Variants in PCDHGA1 observed in about 807,000 individuals in gnomAD.
The protein encoded by PCDHGA1 is protocadherin gamma subfamily A, 1, also known as protocadherin gamma-A1.
Under a neutral mutation model 58.0 loss-of-function variants are expected in PCDHGA1, and 32 were observed. The observed-to-expected ratio is 0.55, with a 90% CI of 0.42 to 0.74. The LOEUF (loss-of-function observed/expected upper bound fraction) is 0.74. Ranked by LOEUF, PCDHGA1 falls within the 30% of genes least tolerant of loss-of-function variation. PCDHGA1 has a pLI of 0.00. For synonymous variants in PCDHGA1, 498 were observed against 501.1 expected, an observed-to-expected ratio of 0.99 and a Z score of 0.08; for missense variants, 1,205 against 1,182.3, an observed-to-expected ratio of 1.02 and a Z score of -0.28.
intron 1 of PCDHGA1, chr5:141,371,776 T>C (rs1216205837): frequency 6.2e-7 from 1 of 1,613,882 alleles, no homozygotes; most frequent in Non-Finnish European, 8.5e-7. Flanking sequence ...ACCGTGCATG[T>C]AGCTGAGAAC....
At position 141,491,518 on chromosome 5, in the gene PCDHGA1, A is replaced by G. The variant is rs756813813; in HGVS notation, c.2422-3289A>G. 3 of 1,613,990 alleles carry G rather than the reference A, an allele frequency of 1.9e-6. No individual in the cohort carries two copies. The highest frequency in any genetic ancestry group is 3.3e-5 in the Admixed American group (2 of 60,028). ...GAGCTCGGACGGCACGCTCAAGTAC[A>G]TGGAGGTGACGCTGCGGCCCACAGA... On this transcript the variant is annotated intron_variant, in intron 1 of 3. Transcript: ENST00000517417. This position sits in a 1 kb window ranked among gnomAD's most constrained non-coding sequence, Gnocchi z 6.9.
At chr5:141,374,573 A>G in intron 1 of PCDHGA1, 1 of 1,613,740 alleles carries the variant, frequency 6.2e-7, no homozygotes, top group Non-Finnish European at 8.5e-7. Context: ...TGATGTGGGA[A>G]TGAACTCCCT....
In PCDHGA1 at chr5:141,331,233, A is replaced by G; in HGVS notation, c.549A>G (p.Gln183=). Residue 183 remains glutamine, a synonymous_variant, in exon 1 of 4, where the codon CAA becomes CAG. Transcript: ENST00000517417. Reference sequence around the variant, plus strand: ...ACCCTCATTTCTCCCTGGATGTGCAACAGGGAGCCGATGGGCCTCAACATC... The same window carrying G: ...ACCCTCATTTCTCCCTGGATGTGCAGCAGGGAGCCGATGGGCCTCAACATC... ...SSNPHFSLDV[Q]QGADGPQHPE... The G allele has an allele frequency of 6.2e-7, 1 of 1,614,080 alleles. No individual in the cohort carries two copies. The highest frequency in any genetic ancestry group is 8.5e-7 in the Non-Finnish European group (1 of 1,180,022).
chr5:141,343,143 AG>A (rs1757259206), intron 1 of PCDHGA1: 1 of 228,326 alleles, frequency 4.4e-6, no homozygotes. Context: ...ATCTCTGTGA[AG>A]GAAGCTACTG....
intron 1 of PCDHGA1, among the ~76,000 whole-genome samples, chr5:141,445,778 T>G (rs1045010487): frequency 6.6e-6 from 1 of 152,190 alleles, no homozygotes; most frequent in East Asian, 1.9e-4. Context: ...TTAAAAGGGC[T>G]AGGGAGGCTA....
chr5:141,492,616 G>A (rs976681246), intron 1 of PCDHGA1, among the ~76,000 whole-genome samples: 1 of 152,252 alleles, frequency 6.6e-6, no homozygotes. Flanking sequence ...CTAAGTGCCG[G>A]GCGGGCAGGA....
At chr5:141,412,189 T>C (rs560869081) in intron 1 of PCDHGA1, 21 of 152,370 alleles carry the variant, frequency 1.4e-4, no homozygotes, top group Admixed American at 1.2e-3. Context: ...AATGCTCTGA[T>C]GAAAACAGGT....
At chr5:141,345,385 C>T in intron 1 of PCDHGA1, 2 of 1,614,162 alleles carry the variant, frequency 1.2e-6, no homozygotes, top group Non-Finnish European at 1.7e-6. Context: ...AACCCACCCA[C>T]CTTCCCTCAT....
At chr5:141,403,574 C>T (rs1441332710) in intron 1 of PCDHGA1, 1 of 1,613,960 alleles carries the variant, frequency 6.2e-7, no homozygotes, top group Non-Finnish European at 8.5e-7. Context: ...GGCAACTGCC[C>T]ACCACCTGGT....
intron 1 of PCDHGA1, chr5:141,403,552 G>A (rs1228068556): frequency 1.2e-6 from 2 of 1,613,892 alleles, no homozygotes; most frequent in African/African-American, 1.3e-5. Flanking sequence ...AGCGCGCCCT[G>A]GACAGGGAGG....
chr5:141,394,489 C>T (rs989814835), intron 1 of PCDHGA1: 5 of 1,614,122 alleles, frequency 3.1e-6, no homozygotes, highest in Non-Finnish European at 4.2e-6. Context: ...AATGACAACG[C>T]GCCCGAGATC....
In PCDHGA1 at chr5:141,370,820, C is replaced by T. The variant is rs140287572; in HGVS notation, c.2421+37715C>T. On this transcript the variant is annotated intron_variant, in intron 1 of 3. Coordinates refer to ENST00000517417, the MANE Select transcript of PCDHGA1 (RefSeq NM_018912.3). ...GCCAAAATATCACTGAGCTGGAAATCAGCGAACTGGCTCTCACTGGAGCCA... is the reference window on the plus strand; with the variant it reads ...GCCAAAATATCACTGAGCTGGAAATTAGCGAACTGGCTCTCACTGGAGCCA... 7 of 1,614,062 alleles carry T rather than the reference C, an allele frequency of 4.3e-6. No homozygotes were observed. The African/African-American group carries it at 5.3e-5, about 12-fold the overall frequency.
intron 1 of PCDHGA1, chr5:141,442,166 A>G (rs2098306007): frequency 6.4e-6 from 1 of 156,354 alleles, no homozygotes; most frequent in Non-Finnish European, 1.4e-5. Flanking sequence ...TCACTCTGCA[A>G]AGCTACAGCC....
intron 1 of PCDHGA1, chr5:141,416,530 G>C (rs976560428): frequency 6.6e-6 from 1 of 152,160 alleles, no homozygotes; most frequent in Non-Finnish European, 1.5e-5. Context: ...GCTCTTTAAT[G>C]TATAAGGAGG....
chr5:141,392,641 C>G (rs541777624), intron 1 of PCDHGA1: 2 of 655,502 alleles, frequency 3.1e-6, no homozygotes, highest in Non-Finnish European at 2.5e-6. Context: ...TCACACCTCA[C>G]GAAGACCCGC....
At chr5:141,427,825 C>T (rs1342117815) in intron 1 of PCDHGA1, 2 of 1,536,464 alleles carry the variant, frequency 1.3e-6, no homozygotes, top group Non-Finnish European at 1.8e-6. Flanking sequence ...GTGGTGGTCG[C>T]GCAGCGTGCC....
At chr5:141,464,009 T>C (rs1187492781) in intron 1 of PCDHGA1, among the ~76,000 whole-genome samples, 1 of 151,950 alleles carries the variant, frequency 6.6e-6, no homozygotes. Context: ...CTCATGCTTG[T>C]AATCCCACAC....
chr5:141,488,480 C>A (rs935896624), intron 1 of PCDHGA1, among the ~76,000 whole-genome samples: 6 of 152,298 alleles, frequency 3.9e-5, no homozygotes, highest in African/African-American at 1.4e-4. Flanking sequence ...GTTCCCCTAC[C>A]CAAAAACTGT....
chr5:141,457,417 CT>C lies in PCDHGA1; in HGVS notation c.2422-37385del, dbSNP rs894846890. On this transcript the variant is annotated intron_variant, in intron 1 of 3. Transcript: ENST00000517417. ...ATTCACATTTTCACATTACCCATCC[CT>C]TTTTCCCCCCCACCAAGCTGCAGAA... Among the ~76,000 whole-genome samples, 3 of 152,296 alleles carry C rather than the reference CT, an allele frequency of 2.0e-5. No individual in the cohort carries two copies. In the South Asian group the frequency reaches 6.2e-4, roughly 32 times the overall value.
Sources: gnomAD v4.1 joint callset for allele counts (sites outside exome capture counted in the v4.1 genomes callset) on GRCh38, gnomAD v4.1.1 for gene constraint, Gnocchi (gnomAD v3.1) non-coding constraint, MANE v1.5 for transcripts, NCBI Gene and HGNC (gene_info 2026-07-23, HGNC 2026-07-21) for gene names.